KANK1: variants seen among roughly 807,000 people sequenced by gnomAD.
The protein encoded by KANK1 is KN motif and ankyrin repeat domains 1, also known as KN motif and ankyrin repeat domain-containing protein 1.
KANK1 carries 109 observed loss-of-function variants against 106.2 expected under a neutral mutation model. The observed-to-expected ratio is 1.03, with a 90% CI of 0.88 to 1.20. KANK1 has a LOEUF of 1.20. Among genes scored for constraint, KANK1 ranks in the 50% most tolerant of loss-of-function variants. KANK1 has a pLI of 0.00. For missense variants in KANK1, 2,399 were observed against 1,710.7 expected, an observed-to-expected ratio of 1.40 and a Z score of -7.10; for synonymous variants, 873 against 652.2, an observed-to-expected ratio of 1.34 and a Z score of -5.16.
chr9:740,823 A>C lies in KANK1; in HGVS notation c.3585A>C (p.Ala1195=), dbSNP rs760109026. Residue 1195 remains alanine (A), a synonymous_variant, in exon 9 of 12, where the codon GCA becomes GCC. Coordinates refer to ENST00000382297, the MANE Select transcript of KANK1 (RefSeq NM_015158.5). Reference sequence around the variant, plus strand: ...GTAATGTGGATCACCAGAACAAGGCAGGCTACACCCCCATCATGTTGGCGG... The same window carrying C: ...GTAATGTGGATCACCAGAACAAGGCCGGCTACACCCCCATCATGTTGGCGG... ...DVCNVDHQNK[A]GYTPIMLAAL... is the part of the protein sequence containing the mutation. 2 of 1,613,164 alleles carry C rather than the reference A, an allele frequency of 1.2e-6. No individual in the cohort carries two copies. Among genetic ancestry groups the C allele is most frequent in the Non-Finnish European group, 8.5e-7 (1 of 1,179,902 alleles).
intron 11 of KANK1, 62 bp from the exon 12 acceptor site, chr9:745,111 G>C (rs1836845791): frequency 1.9e-6 from 3 of 1,592,110 alleles, no homozygotes; most frequent in African/African-American, 1.4e-5. Flanking sequence ...CTATGTCACA[G>C]GGTACACATC....
intron 1 of KANK1, among the ~76,000 whole-genome samples, chr9:594,508 A>C (rs1316913966): frequency 6.6e-6 from 1 of 151,962 alleles, no homozygotes; most frequent in African/African-American, 2.4e-5. Context: ...ACCTTAACAT[A>C]GAGTTCTCAT....
At chr9:735,541 G>C (rs981864584) in intron 7 of KANK1, among the ~76,000 whole-genome samples, 2 of 152,202 alleles carry the variant, frequency 1.3e-5, no homozygotes, top group African/African-American at 4.8e-5. Flanking sequence ...GTTGACAGCT[G>C]TCTTTTTTAT....
At chr9:661,665 G>T (rs989417178) in intron 1 of KANK1, among the ~76,000 whole-genome samples, 2 of 152,106 alleles carry the variant, frequency 1.3e-5, no homozygotes, top group African/African-American at 4.8e-5. Context: ...GGGTCAAGTG[G>T]TATTTCTAAT....
chr9:736,728 A>G (rs1589307438), intron 7 of KANK1, among the ~76,000 whole-genome samples: 1 of 152,148 alleles, frequency 6.6e-6, no homozygotes, highest in South Asian at 2.1e-4. Flanking sequence ...GTCAAGGGGA[A>G]ACATAGAACT....
chr9:663,903 A>C (rs115201031), intron 1 of KANK1, among the ~76,000 whole-genome samples: 8,084 of 152,228 alleles, frequency 0.053, 231 homozygotes, highest in African/African-American at 0.066. Flanking sequence ...GAACACACTC[A>C]TGCCCACTTT....
intron 3 of KANK1, among the ~76,000 whole-genome samples, chr9:490,029 C>T (rs904852413): frequency 4.6e-5 from 7 of 152,040 alleles, no homozygotes; most frequent in South Asian, 4.1e-4. Context: ...ACTTTTTTGA[C>T]GTTAAAGATA....
intron 1 of KANK1, among the ~76,000 whole-genome samples, chr9:624,410 A>G (rs982013980): frequency 1.3e-5 from 2 of 152,192 alleles, no homozygotes; most frequent in Non-Finnish European, 2.9e-5. Flanking sequence ...ATTTATATCA[A>G]ATAATCACAT....
In KANK1 at chr9:732,394, A is replaced by G; in HGVS notation, c.3022A>G (p.Ser1008Gly). 6.2e-7 allele frequency: 1 copy of G among 1,611,804 alleles called. No homozygotes were observed. The highest frequency in any genetic ancestry group is 8.5e-7 in the Non-Finnish European group (1 of 1,177,992). The change falls in exon 6 of 12, where the codon AGT becomes GGT. Residue 1008 changes from serine (S) to glycine (G), a missense_variant. Transcript: ENST00000382297. The part of the protein sequence containing the change: ...GINGGYETTS[S>G]DDSSSDESSS... ...GCCACCTAGGTATGAAACAACTTCA[A>G]GTGATGATTCCAGCTCAGATGAAAG...
chr9:661,357 G>A (rs1325557742), intron 1 of KANK1, among the ~76,000 whole-genome samples: 2 of 151,528 alleles, frequency 1.3e-5, no homozygotes, highest in Non-Finnish European at 2.9e-5. Flanking sequence ...TCCCACCTAT[G>A]AGTGAGAACA....
chr9:495,453 T>C (rs1406694300), intron 3 of KANK1: 1 of 152,198 alleles, frequency 6.6e-6, no homozygotes, highest in African/African-American at 2.4e-5. Flanking sequence ...GATTGGCTGG[T>C]TTTGGTGCTC....
At chr9:540,163 T>C (rs1475271461) in intron 1 of KANK1, among the ~76,000 whole-genome samples, 1 of 152,272 alleles carries the variant, frequency 6.6e-6, no homozygotes, top group African/African-American at 2.4e-5. Context: ...TGATATTAGC[T>C]ACGGGCATGC....
In KANK1 at chr9:713,269, G is replaced by C; in HGVS notation, c.2503G>C (p.Ala835Pro). ...HYIERIQKLLAEQQTLLAENY... is the reference protein window; with the variant it reads ...HYIERIQKLLPEQQTLLAENY... Reference sequence around the variant, plus strand: ...CATTGAGCGTATCCAGAAGCTGCTGGCAGAACAGCAGACACTGCTGGCTGA... The same window carrying C: ...CATTGAGCGTATCCAGAAGCTGCTGCCAGAACAGCAGACACTGCTGGCTGA... The change falls in exon 3 of 12, where the codon GCA (alanine) becomes CCA (proline). Residue 835 changes from alanine (A) to proline (P), a missense_variant. Transcript: ENST00000382297. The C allele has an allele frequency of 6.2e-7, 1 of 1,612,618 alleles. No homozygotes were observed. Among genetic ancestry groups the C allele is most frequent in the Non-Finnish European group, 8.5e-7 (1 of 1,179,316 alleles).
intron 1 of KANK1, among the ~76,000 whole-genome samples, chr9:655,244 G>C (rs991660281): frequency 6.6e-6 from 1 of 151,924 alleles, no homozygotes; most frequent in African/African-American, 2.4e-5. Context: ...GATGGCACAC[G>C]CTTGTAATCC....
At chr9:633,615 A>G (rs535466390) in intron 1 of KANK1, among the ~76,000 whole-genome samples, 4 of 152,256 alleles carry the variant, frequency 2.6e-5, no homozygotes, top group African/African-American at 7.2e-5. Flanking sequence ...TCAATAATTC[A>G]TTCTGACTCA....
chr9:511,996 C>T (rs1168271627), intron 1 of KANK1, among the ~76,000 whole-genome samples: 1 of 151,070 alleles, frequency 6.6e-6, no homozygotes, highest in East Asian at 1.9e-4. Flanking sequence ...TGCTGGTCCA[C>T]TGGCTCCAAA....
Position 673,200 on chromosome 9 carries a change from C to CTTTTTT in KANK1, c.-83-3669_-83-3664dup, listed in dbSNP as rs542647158. Reference sequence around the variant, plus strand: ...GATTCACACCCAGTGACAGTGTCTTCTTTTTTTTTTTTTTTTTTTTTTTTT... The same window carrying CTTTTTT: ...GATTCACACCCAGTGACAGTGTCTTCTTTTTTTTTTTTTTTTTTTTTTTTTTTTTTT... On this transcript the variant is annotated intron_variant, in intron 1 of 11. Transcript: ENST00000382297. Among the ~76,000 whole-genome samples, 8 of 97,854 alleles carry CTTTTTT rather than the reference C, an allele frequency of 8.2e-5. 2 individuals carry two copies. The highest frequency in any genetic ancestry group is 5.5e-4 in the East Asian group (2 of 3,610). 64.2% of individuals were successfully genotyped at this position (97,854 alleles called of 152,430 possible).
chr9:625,138 A>G (rs906937354), intron 1 of KANK1, among the ~76,000 whole-genome samples: 3 of 152,182 alleles, frequency 2.0e-5, no homozygotes, highest in Non-Finnish European at 2.9e-5. Context: ...CAGATCTCTT[A>G]TTTGGCAGCG....
At chr9:497,442 A>ACACACACACT (rs1564124340) in intron 3 of KANK1, among the ~76,000 whole-genome samples, 1 of 151,992 alleles carries the variant, frequency 6.6e-6, no homozygotes, top group African/African-American at 2.4e-5. Context: ...ACACACACAC[A>ACACACACACT]CACACTCACA....
Sources: gnomAD v4.1 joint callset for allele counts (sites outside exome capture counted in the v4.1 genomes callset) on GRCh38, gnomAD v4.1.1 for gene constraint, MANE v1.5 for transcripts, NCBI Gene and HGNC (gene_info 2026-07-23, HGNC 2026-07-21) for gene names.